DNAJB14: variants seen among roughly 807,000 people sequenced by gnomAD.
DNAJB14 encodes DnaJ heat shock protein family (Hsp40) member B14.
A neutral mutation model predicts 48.4 loss-of-function variants in DNAJB14; 22 were observed. That is an observed-to-expected ratio of 0.45 (90% CI 0.32 to 0.65). The LOEUF (loss-of-function observed/expected upper bound fraction) is 0.65. Among genes scored for constraint, DNAJB14 ranks in the 30% least tolerant of loss-of-function variants. The pLI is 0.03. For missense variants in DNAJB14, 319 were observed against 458.8 expected (o/e 0.70, Z 2.78); for synonymous variants, 142 against 158.7 (o/e 0.89, Z 0.79).
At chr4:99,928,003 G>C (rs1006220875) in intron 2 of DNAJB14, 2 of 151,876 alleles carry the variant, frequency 1.3e-5, no homozygotes, top group African/African-American at 2.4e-5. Flanking sequence ...GAAAACTTGG[G>C]GATTCTCTTA....
chr4:99,937,685 C>G (rs1726729350), intron 1 of DNAJB14, among the ~76,000 whole-genome samples: 1 of 151,250 alleles, frequency 6.6e-6, no homozygotes, highest in Non-Finnish European at 1.5e-5. Context: ...ACGATCATGC[C>G]ACTACACTCC....
intron 3 of DNAJB14, among the ~76,000 whole-genome samples, chr4:99,917,636 C>T (rs1261183784): frequency 6.6e-6 from 1 of 152,164 alleles, no homozygotes; most frequent in Admixed American, 6.5e-5. Context: ...GTTTAAAGAA[C>T]TTCCTTTAGC....
intron 1 of DNAJB14, 65 bp downstream of exon 1, chr4:99,946,374 G>T: frequency 6.4e-7 from 1 of 1,552,488 alleles, no homozygotes; most frequent in Admixed American, 1.9e-5. Context: ...CCGAGGTGGG[G>T]GCAGGGGCGG....
At chr4:99,905,475 C>A in intron 6 of DNAJB14, 122 bp downstream of exon 6, 2 of 610,656 alleles carry the variant, frequency 3.3e-6, no homozygotes, top group East Asian at 2.8e-5. Context: ...AATTTAAAAT[C>A]TGGTACACTT....
At chr4:99,906,346 CCT>C (rs1725466402) in intron 5 of DNAJB14, among the ~76,000 whole-genome samples, 169 bp downstream of exon 5, 1 of 152,114 alleles carries the variant, frequency 6.6e-6, no homozygotes. Context: ...CCCTGGCTGA[CCT>C]CTCTTCCTAT....
chr4:99,938,024 G>A (rs1018867232), intron 1 of DNAJB14, among the ~76,000 whole-genome samples: 3 of 147,970 alleles, frequency 2.0e-5, no homozygotes, highest in African/African-American at 7.4e-5. Flanking sequence ...TTGGGAGGCT[G>A]AGGCAGGCGG....
chr4:99,904,615 C>T (rs1367391726), intron 6 of DNAJB14, among the ~76,000 whole-genome samples: 1 of 152,098 alleles, frequency 6.6e-6, no homozygotes, highest in African/African-American at 2.4e-5. Context: ...ATCCAAAACA[C>T]TGCTGGTCCC....
chr4:99,941,262 T>G (rs2110225897), intron 1 of DNAJB14, among the ~76,000 whole-genome samples: 1 of 152,234 alleles, frequency 6.6e-6, no homozygotes, highest in East Asian at 1.9e-4. Context: ...ATGTAAGGGA[T>G]GAAGTCAGCA....
intron 1 of DNAJB14, among the ~76,000 whole-genome samples, chr4:99,944,741 A>AT (rs372330527): frequency 1.1e-4 from 16 of 151,872 alleles, no homozygotes; most frequent in African/African-American, 3.6e-4. Flanking sequence ...CGCCTGGCTA[A>AT]TTTTTTTGTA....
intron 1 of DNAJB14, among the ~76,000 whole-genome samples, chr4:99,938,521 G>A (rs1726772650): frequency 6.6e-6 from 1 of 152,046 alleles, no homozygotes; most frequent in Non-Finnish European, 1.5e-5. Context: ...CATGTCTACA[G>A]CTACTGTTAA....
chr4:99,930,544 C>T lies in DNAJB14; in HGVS notation c.211G>A (p.Asp71Asn), dbSNP rs773111984. ...PHCRKPSGSG[D>N]QSKPNCTKDS... ...TTTGTGCAATTAGGCTTGCTTTGATCGCCACTACCTGATGGTTTTCGGCAA... is the reference window on the plus strand; with the variant it reads ...TTTGTGCAATTAGGCTTGCTTTGATTGCCACTACCTGATGGTTTTCGGCAA... The change falls in exon 2 of 8, where the codon GAT becomes AAT. Residue 71 changes from aspartate to asparagine, a missense_variant. Around this residue, in one of 3 missense-constraint regions of DNAJB14, gnomAD observed 116 missense variants for 134.6 expected, o/e 0.86. Coordinates refer to ENST00000442697, the MANE Select transcript of DNAJB14 (RefSeq NM_001031723.4). The T allele has an allele frequency of 7.4e-6, 12 of 1,613,006 alleles. No individual in the cohort carries two copies. Among genetic ancestry groups the T allele is most frequent in the South Asian group, 1.1e-5 (1 of 90,832 alleles).
chr4:99,937,662 G>A (rs958747674), intron 1 of DNAJB14, among the ~76,000 whole-genome samples: 2 of 151,238 alleles, frequency 1.3e-5, no homozygotes, highest in Non-Finnish European at 2.9e-5. Flanking sequence ...GGAGGCATAG[G>A]TTGCAGCGAG....
chr4:99,906,717 C>A, intron 4 of DNAJB14, 106 bp from the exon 5 acceptor site: 1 of 889,744 alleles, frequency 1.1e-6, no homozygotes, highest in Non-Finnish European at 1.7e-6. Flanking sequence ...TAAAATAATG[C>A]ATGTGTATTT....
intron 5 of DNAJB14, chr4:99,906,057 G>T: frequency 7.6e-7 from 1 of 1,313,520 alleles, no homozygotes; most frequent in Non-Finnish European, 9.9e-7. Flanking sequence ...GAGGGTAGAA[G>T]ATGGGAGCTG....
intron 1 of DNAJB14, among the ~76,000 whole-genome samples, chr4:99,945,108 A>C (rs2110229258): frequency 6.6e-6 from 1 of 152,340 alleles, no homozygotes; most frequent in East Asian, 1.9e-4. Flanking sequence ...GTGTTGTAAG[A>C]TGAAAAAGTT....
chr4:99,920,806 T>C (rs1276620426), intron 3 of DNAJB14, among the ~76,000 whole-genome samples: 5 of 152,192 alleles, frequency 3.3e-5, no homozygotes, highest in Non-Finnish European at 7.4e-5. Flanking sequence ...ACTAATTACC[T>C]CTTCTTTTTC....
At chr4:99,930,685 GA>G in intron 1 of DNAJB14, 64 bp from the exon 2 acceptor site, 1 of 1,488,610 alleles carries the variant, frequency 6.7e-7, no homozygotes, top group East Asian at 2.4e-5. Flanking sequence ...ATCCTGAGAA[GA>G]AAGTTTTAAA....
chr4:99,906,065 C>G (rs577471914), intron 5 of DNAJB14: 1 of 1,316,844 alleles, frequency 7.6e-7, no homozygotes, highest in East Asian at 5.0e-5. Flanking sequence ...AAGATGGGAG[C>G]TGATGAGTGG....
intron 3 of DNAJB14, among the ~76,000 whole-genome samples, chr4:99,915,358 C>CA (rs1486865726): frequency 5.9e-5 from 9 of 152,146 alleles, no homozygotes; most frequent in Non-Finnish European, 1.2e-4. Flanking sequence ...AAGATGGTCT[C>CA]AAATTCCTGA....
Sources: allele counts gnomAD v4.1 joint callset (sites outside exome capture counted in the v4.1 genomes callset), GRCh38; gene constraint gnomAD v4.1.1; regional missense constraint gnomAD v4.1.1; transcripts MANE v1.5; gene names NCBI Gene and HGNC (gene_info 2026-07-23, HGNC 2026-07-21).